CADPS2: variants seen among roughly 807,000 people sequenced by gnomAD.
The protein encoded by CADPS2 is calcium dependent secretion activator 2, also known as calcium-dependent secretion activator 2.
A neutral mutation model predicts 172.5 loss-of-function variants in CADPS2; 93 were observed. The observed-to-expected ratio is 0.54, with a 90% CI of 0.46 to 0.64. CADPS2 has a LOEUF of 0.64. Among genes scored for constraint, CADPS2 ranks in the 30% least tolerant of loss-of-function variants. The pLI is 0.00. For missense variants in CADPS2, 1,420 were observed against 1,565.9 expected (o/e 0.91, Z 1.57); for synonymous variants, 546 against 555.2 (o/e 0.98, Z 0.23).
chr7:122,581,367 G>T, intron 6 of CADPS2, 77 bp from the exon 7 acceptor site: 1 of 1,098,264 alleles, frequency 9.1e-7, no homozygotes, highest in Non-Finnish European at 1.4e-6. Flanking sequence ...TCCATAGAAG[G>T]CAAATTAAAT....
At chr7:122,534,110 C>A (rs969387747) in intron 8 of CADPS2, among the ~76,000 whole-genome samples, 1 of 152,014 alleles carries the variant, frequency 6.6e-6, no homozygotes, top group African/African-American at 2.4e-5. Context: ...CCTAATTTGC[C>A]AATGATTTAG....
At chr7:122,841,220 CA>C (rs2140924610) in intron 1 of CADPS2, among the ~76,000 whole-genome samples, 1 of 152,174 alleles carries the variant, frequency 6.6e-6, no homozygotes, top group Non-Finnish European at 1.5e-5. Flanking sequence ...AATATGTTGT[CA>C]AATACCCTAA....
chr7:122,555,461 T>C (rs2064917039), intron 7 of CADPS2, among the ~76,000 whole-genome samples: 1 of 152,120 alleles, frequency 6.6e-6, no homozygotes. Flanking sequence ...CTTAATATTT[T>C]TAAATGGGAG....
intron 2 of CADPS2, among the ~76,000 whole-genome samples, chr7:122,711,224 G>T (rs1386966413): frequency 2.6e-5 from 4 of 151,986 alleles, no homozygotes; most frequent in Non-Finnish European, 5.9e-5. Context: ...TCTGAAAAAT[G>T]GACTAAATAT....
intron 25 of CADPS2, among the ~76,000 whole-genome samples, chr7:122,372,891 T>G: frequency 6.6e-6 from 1 of 152,196 alleles, no homozygotes; most frequent in East Asian, 1.9e-4. Context: ...TGATTCTCAC[T>G]AATTAATTAG....
At chr7:122,361,854 G>T (rs1464849848) in intron 25 of CADPS2, among the ~76,000 whole-genome samples, 1 of 151,950 alleles carries the variant, frequency 6.6e-6, no homozygotes, top group Non-Finnish European at 1.5e-5. Flanking sequence ...TGGGCGGATC[G>T]CCTGAGGTCA....
chr7:122,452,882 A>C (rs1221075687), intron 14 of CADPS2, among the ~76,000 whole-genome samples: 1 of 152,182 alleles, frequency 6.6e-6, no homozygotes, highest in Non-Finnish European at 1.5e-5. Flanking sequence ...TATACATATA[A>C]TCATATGTAT....
In CADPS2 at chr7:122,574,979, T is replaced by G. The variant is rs146115437; in HGVS notation, c.1335+6200A>C. Among the ~76,000 whole-genome samples, 599 of 152,222 alleles carry G rather than the reference T, an allele frequency of 3.9e-3. 6 individuals carry two copies. Among genetic ancestry groups the G allele is most frequent in the African/African-American group, 0.014 (568 of 41,556 alleles). On this transcript the variant is annotated intron_variant, in intron 7 of 29. Coordinates refer to ENST00000449022, the MANE Select transcript of CADPS2 (RefSeq NM_017954.11). ...TAAAATCCCCAATATTAGAAAAAAC[T>G]GTCACTCTGTAACTTTTGATAAGAT...
chr7:122,322,673 A>C (rs2032842427), intron 29 of CADPS2, among the ~76,000 whole-genome samples: 1 of 152,262 alleles, frequency 6.6e-6, no homozygotes, highest in African/African-American at 2.4e-5. Flanking sequence ...CCCCCAAAAA[A>C]TCATTCTAAG....
At chr7:122,638,479 T>G (rs2077288066) in intron 3 of CADPS2, among the ~76,000 whole-genome samples, 1 of 152,116 alleles carries the variant, frequency 6.6e-6, no homozygotes, top group African/African-American at 2.4e-5. Context: ...TTAGCAGGTT[T>G]TCTGTCAAGA....
intron 2 of CADPS2, chr7:122,698,204 G>C: frequency 6.2e-7 from 1 of 1,613,898 alleles, no homozygotes; most frequent in Non-Finnish European, 8.5e-7. Context: ...ACTACTCGAA[G>C]TTGGAGTTGT....
intron 8 of CADPS2, among the ~76,000 whole-genome samples, chr7:122,516,761 C>T (rs1449965438): frequency 1.3e-5 from 2 of 151,982 alleles, no homozygotes; most frequent in Non-Finnish European, 2.9e-5. Flanking sequence ...AGAGAAATAT[C>T]CGGAAAAATG....
At chr7:122,408,998 G>T (rs1184221303) in intron 19 of CADPS2, among the ~76,000 whole-genome samples, 1 of 152,238 alleles carries the variant, frequency 6.6e-6, no homozygotes, top group East Asian at 1.9e-4. Context: ...ACATTTTAAT[G>T]CCTGGCTCAA....
intron 13 of CADPS2, among the ~76,000 whole-genome samples, chr7:122,473,402 C>T (rs967199224): frequency 6.6e-6 from 1 of 152,174 alleles, no homozygotes; most frequent in African/African-American, 2.4e-5. Flanking sequence ...ATGAATTAAA[C>T]TCTGTTAAAC....
chr7:122,362,801 C>T (rs2040343438), intron 25 of CADPS2, among the ~76,000 whole-genome samples: 1 of 152,116 alleles, frequency 6.6e-6, no homozygotes. Flanking sequence ...AGAGAACTCG[C>T]TGTGAGTGCA....
At chr7:122,426,538 G>A (rs1563309110) in intron 17 of CADPS2, among the ~76,000 whole-genome samples, 2 of 152,266 alleles carry the variant, frequency 1.3e-5, no homozygotes, top group East Asian at 3.9e-4. Flanking sequence ...TACAAGTAAT[G>A]AACCCTTCTT....
rs562675869 is a variant in CADPS2, at chr7:122,824,344, G to A, written c.339+61655C>T. ...AAGGTCCATGCTTTTAACCATTACC[G>A]CCAACACAACTCTCATATAGGCACT... On this transcript the variant is annotated intron_variant, in intron 1 of 29. Coordinates refer to ENST00000449022, the MANE Select transcript of CADPS2 (RefSeq NM_017954.11). 1.4e-4 allele frequency among the ~76,000 whole-genome samples: 21 copies of A among 152,222 alleles called. 1 individual carries two copies. The South Asian group carries it at 2.1e-3, about 15-fold the overall frequency.
chr7:122,408,887 A>G (rs907236674), intron 19 of CADPS2, among the ~76,000 whole-genome samples: 4 of 152,224 alleles, frequency 2.6e-5, no homozygotes, highest in Admixed American at 6.5e-5. Context: ...TAAAATAATA[A>G]TCAGTAACTA....
chr7:122,761,476 C>G (rs2093376296), intron 1 of CADPS2, among the ~76,000 whole-genome samples: 1 of 152,068 alleles, frequency 6.6e-6, no homozygotes, highest in African/African-American at 2.4e-5. Flanking sequence ...TTAACTCTTA[C>G]AAAGTGTGCA....
Sources: allele counts gnomAD v4.1 joint callset (sites outside exome capture counted in the v4.1 genomes callset), GRCh38; gene constraint gnomAD v4.1.1; transcripts MANE v1.5; gene names NCBI Gene and HGNC (gene_info 2026-07-23, HGNC 2026-07-21).